LIFR: variants seen among roughly 807,000 people sequenced by gnomAD.
LIFR encodes the protein leukemia inhibitory factor receptor.
LIFR carries 84 observed loss-of-function variants against 122.2 expected under a neutral mutation model. The observed-to-expected ratio is 0.69, with a 90% CI of 0.58 to 0.82. LIFR has a LOEUF of 0.82. LIFR is among the 40% of genes least tolerant of loss of function. The pLI is 0.00. For missense variants in LIFR, 1,294 were observed against 1,311.6 expected (o/e 0.99, Z 0.21); for synonymous variants, 422 against 434.7 (o/e 0.97, Z 0.36).
chr5:38,506,058 CAT>C lies in LIFR; in HGVS notation c.1136_1137del (p.Tyr379CysfsTer2), dbSNP rs748088219. ...GGTGCTTCAGCTCTTTTAAGTCTAACATATTTTCCTGAAAAACTGTTAATTAA... is the reference window on the plus strand; with the variant it reads ...GGTGCTTCAGCTCTTTTAAGTCTAACATTTTCCTGAAAAACTGTTAATTAA... ...YTLVESFSGK[Y>X]VRLKRAEAPT... is the part of the protein sequence containing the mutation. On this transcript the variant is annotated frameshift_variant, in exon 9 of 20. Coordinates refer to ENST00000453190, the MANE Select transcript of LIFR (RefSeq NM_001127671.2). LOFTEE classifies it high-confidence loss of function. The C allele has an allele frequency of 1.9e-6, 3 of 1,595,348 alleles. No individual in the cohort carries two copies. Among genetic ancestry groups the C allele is most frequent in the South Asian group, 1.1e-5 (1 of 88,364 alleles).
At chr5:38,537,438 A>G (rs1250141873) in intron 1 of LIFR, among the ~76,000 whole-genome samples, 1 of 152,214 alleles carries the variant, frequency 6.6e-6, no homozygotes, top group South Asian at 2.1e-4. Context: ...CAACTACGCT[A>G]TAAGAGTGAC....
At chr5:38,562,014 C>G (rs937707098) in intron 1 of LIFR, among the ~76,000 whole-genome samples, 1 of 152,148 alleles carries the variant, frequency 6.6e-6, no homozygotes, top group Admixed American at 6.5e-5. Flanking sequence ...AAGCCAACTC[C>G]CTGAGCCAAA....
chr5:38,502,527 G>C (rs1745235344), intron 11 of LIFR, 110 bp downstream of exon 11: 1 of 901,998 alleles, frequency 1.1e-6, no homozygotes, highest in Non-Finnish European at 1.8e-6. Context: ...CCAAAGTGCT[G>C]GGATTACAGG....
intron 16 of LIFR, among the ~76,000 whole-genome samples, chr5:38,488,252 A>G (rs916861733): frequency 6.6e-6 from 1 of 152,148 alleles, no homozygotes; most frequent in African/African-American, 2.4e-5. Flanking sequence ...TGGGGACCGA[A>G]GGGGAGGCAC....
chr5:38,564,801 G>A (rs1414292584), intron 1 of LIFR, among the ~76,000 whole-genome samples: 5 of 148,740 alleles, frequency 3.4e-5, no homozygotes, highest in Non-Finnish European at 1.5e-5. Flanking sequence ...TTGAGTCAGA[G>A]TCTCACTTGT....
chr5:38,542,634 C>T (rs1000439899), intron 1 of LIFR, among the ~76,000 whole-genome samples: 31 of 152,114 alleles, frequency 2.0e-4, no homozygotes, highest in Non-Finnish European at 2.5e-4. Flanking sequence ...CTAGCTTTTT[C>T]ATGCCAGCCT....
intron 2 of LIFR, 129 bp from the exon 3 acceptor site, chr5:38,528,969 CAG>C (rs1746855529): frequency 4.6e-6 from 3 of 653,282 alleles, no homozygotes; most frequent in South Asian, 3.5e-5. Context: ...TGTGTGTCTG[CAG>C]AGAGCCCATG....
chr5:38,477,775 A>G lies in LIFR; in HGVS notation c.*3820T>C, dbSNP rs1287055197. On this transcript the variant is annotated 3_prime_UTR_variant, in exon 20 of 20. Coordinates refer to ENST00000453190, the MANE Select transcript of LIFR (RefSeq NM_001127671.2). ...TGACACTCTGGGATAGGACTCAGTC[A>G]AGAAAATTAGTTACTGAGCTTTCAC... The G allele has an allele frequency of 1.4e-5, 3 of 217,824 alleles. No homozygotes were observed. Among genetic ancestry groups the G allele is most frequent in the Non-Finnish European group, 2.8e-5 (3 of 108,022 alleles). 13.5% of individuals were successfully genotyped at this position (217,824 alleles called of 1,614,324 possible). A position where few individuals can be genotyped will look rare whatever the true frequency, so the allele number is the denominator to read the frequency against.
Position 38,515,105 on chromosome 5 carries a change from G to A in LIFR, c.562-3141C>T, listed in dbSNP as rs79929905. Among the ~76,000 whole-genome samples, 1,855 of 152,244 alleles carry A rather than the reference G, an allele frequency of 0.012. 184 individuals carry two copies. In the East Asian group the frequency reaches 0.25, roughly 21 times the overall value. ...GATCCCTTGGACCACAGCTTCCTAA[G>A]AAATGTGCTGAAAGACACTGAAGTC... On this transcript the variant is annotated intron_variant, in intron 5 of 19. Transcript: ENST00000453190.
intron 1 of LIFR, chr5:38,579,500 A>G (rs945865643): frequency 1.3e-5 from 2 of 152,216 alleles, no homozygotes; most frequent in African/African-American, 4.8e-5. Context: ...AGGAACTCCT[A>G]CATAATACCC....
intron 1 of LIFR, among the ~76,000 whole-genome samples, chr5:38,566,503 T>C (rs1367260881): frequency 6.6e-6 from 1 of 152,234 alleles, no homozygotes; most frequent in African/African-American, 2.4e-5. Context: ...CTCTATACTC[T>C]TGTTCACTAT....
chr5:38,557,331 A>G (rs756365421), upstream of LIFR: 1 of 152,586 alleles, frequency 6.6e-6, no homozygotes, highest in Admixed American at 6.5e-5. Context: ...TCCTCCGTAC[A>G]TTGTTCCCAT....
intron 1 of LIFR, among the ~76,000 whole-genome samples, chr5:38,583,117 G>A (rs148882254): frequency 2.0e-5 from 3 of 152,320 alleles, no homozygotes; most frequent in South Asian, 4.1e-4. Flanking sequence ...CATACGTAAC[G>A]TGTTCAATTG....
rs773598797 is a variant in LIFR at position 38,482,245 on chromosome 5, T to G, written c.2671-27A>C. 13 of 1,594,128 alleles carry G rather than the reference T, an allele frequency of 8.2e-6. No homozygotes were observed. In the South Asian group the frequency reaches 1.3e-4, roughly 15 times the overall value. On this transcript the variant is annotated intron_variant, in intron 19 of 19. Transcript: ENST00000453190. ...TAGAAATAAATTTAAACACAGTGAT[T>G]AAAAATAGCACTAAATGCCATTGCA...
At chr5:38,564,382 G>A (rs1319988156) in intron 1 of LIFR, among the ~76,000 whole-genome samples, 1 of 150,150 alleles carries the variant, frequency 6.7e-6, no homozygotes, top group Non-Finnish European at 1.5e-5. Flanking sequence ...CACCATGCCT[G>A]GCTAATTTTA....
rs535232881 is a variant in LIFR, at chr5:38,554,004, A to G, written c.-20+2330T>C. ...AACATTAAAATATAAGATACTGGTGATAATCTACAGAAGGCAGGGATTTGA... is the reference window on the plus strand; with the variant it reads ...AACATTAAAATATAAGATACTGGTGGTAATCTACAGAAGGCAGGGATTTGA... On this transcript the variant is annotated intron_variant, in intron 1 of 19. Coordinates refer to ENST00000453190, the MANE Select transcript of LIFR (RefSeq NM_001127671.2). Among the ~76,000 whole-genome samples, 77 of 152,276 alleles carry G rather than the reference A, an allele frequency of 5.1e-4. 1 individual carries two copies. The highest frequency in any genetic ancestry group is 1.8e-3 in the African/African-American group (73 of 41,556).
In LIFR at chr5:38,490,228, T is replaced by C. The variant is rs759290342; in HGVS notation, c.2129A>G (p.Gln710Arg). 8.8e-6 allele frequency: 14 copies of C among 1,582,148 alleles called. No homozygotes were observed. In the South Asian group the frequency reaches 1.6e-4, roughly 18 times the overall value. Reference protein sequence around the residue: ...FLYGCRNQGYQLLRSMIGYIE... With the variant: ...FLYGCRNQGYRLLRSMIGYIE... ...ATATCCAATCATGGAGCGTAATAAT[T>C]GATATCCTTGATTTCTGCATCCATA... Residue 710 changes from glutamine to arginine, a missense_variant, in exon 15 of 20, where the codon CAA (glutamine) becomes CGA (arginine). Gln to Arg is a conservative substitution (Grantham distance 43, BLOSUM62 1). Coordinates refer to ENST00000453190, the MANE Select transcript of LIFR (RefSeq NM_001127671.2).
At chr5:38,555,009 T>C (rs1264303654) in intron 1 of LIFR, 1 of 152,170 alleles carries the variant, frequency 6.6e-6, no homozygotes, top group Non-Finnish European at 1.5e-5. Context: ...ACTCACCTAT[T>C]ACAAAGCAAA....
chr5:38,511,626 G>A (rs1186290483), intron 6 of LIFR, among the ~76,000 whole-genome samples, 164 bp downstream of exon 6: 1 of 152,084 alleles, frequency 6.6e-6, no homozygotes, highest in African/African-American at 2.4e-5. Context: ...GCCTATCTCA[G>A]ACTTTTTGAT....
Sources: gnomAD v4.1 joint callset for allele counts (sites outside exome capture counted in the v4.1 genomes callset) on GRCh38, gnomAD v4.1.1 for gene constraint, MANE v1.5 for transcripts, NCBI Gene and HGNC (gene_info 2026-07-23, HGNC 2026-07-21) for gene names.